The following NTRK2 variants were observed in gnomAD, a reference collection of about 807,000 sequenced individuals.
NTRK2 encodes the protein BDNF/NT-3 growth factors receptor.
Under a neutral mutation model 94.5 loss-of-function variants are expected in NTRK2, and 13 were observed. The observed-to-expected ratio is 0.14, with a 90% confidence interval of 0.09 to 0.22. The LOEUF (loss-of-function observed/expected upper bound fraction) is 0.22, where lower values mean the gene tolerates loss of function less well. Among genes scored for constraint, NTRK2 ranks in the 10% least tolerant of loss-of-function variants. The pLI, the probability that NTRK2 is intolerant of heterozygous loss-of-function variation, is 1.00. For synonymous variants in NTRK2, 372 were observed against 407.4 expected, an observed-to-expected ratio of 0.91 and a Z score of 1.05; for missense variants, 639 against 1,071.2, an observed-to-expected ratio of 0.60 and a Z score of 5.63.
At chr9:84,961,336 T>C (rs1382419907) in intron 17 of NTRK2, among the ~76,000 whole-genome samples, 6 of 152,352 alleles carry the variant, frequency 3.9e-5, no homozygotes, top group Middle Eastern at 6.8e-3. Flanking sequence ...ATCTTTCTGT[T>C]TCGGCTCTTT....
intron 17 of NTRK2, 46 bp downstream of exon 17, chr9:84,955,563 C>T (rs375105898): frequency 7.1e-5 from 103 of 1,459,830 alleles, no homozygotes; most frequent in Admixed American, 6.3e-4. Context: ...TCTTTCCCTG[C>T]GGGACCCCTG....
At chr9:84,955,586 G>T in intron 17 of NTRK2, 69 bp downstream of exon 17, 1 of 1,276,932 alleles carries the variant, frequency 7.8e-7, no homozygotes, top group Non-Finnish European at 1.1e-6. Context: ...GTATTTGTTT[G>T]CTGAGGCTGT....
chr9:84,764,949 G>A (rs2065898538), intron 12 of NTRK2, among the ~76,000 whole-genome samples: 1 of 152,168 alleles, frequency 6.6e-6, no homozygotes, highest in African/African-American at 2.4e-5. Context: ...AGTTAAATAA[G>A]CCAGGCACAG....
chr9:84,732,739 A>T (rs944921393), intron 9 of NTRK2, among the ~76,000 whole-genome samples: 42 of 152,250 alleles, frequency 2.8e-4, no homozygotes, highest in African/African-American at 9.9e-4. Context: ...GTGGAGAAGG[A>T]GATGACAGGG....
intron 14 of NTRK2, chr9:84,877,972 T>C: frequency 2.0e-6 from 2 of 1,003,822 alleles, no homozygotes; most frequent in East Asian, 1.5e-4. Context: ...TAATTCAACA[T>C]TGGGATTCCT....
intron 14 of NTRK2, among the ~76,000 whole-genome samples, chr9:84,878,614 CAGAA>C (rs1235343612): frequency 7.5e-6 from 1 of 133,532 alleles, no homozygotes; most frequent in Non-Finnish European, 1.6e-5. Flanking sequence ...AGCCTGGCGA[CAGAA>C]AGAGACTATG....
chr9:84,882,527 T>C (rs1401599670), intron 14 of NTRK2, among the ~76,000 whole-genome samples: 1 of 152,158 alleles, frequency 6.6e-6, no homozygotes, highest in Non-Finnish European at 1.5e-5. Flanking sequence ...TTTGCTCAGC[T>C]TAGTTTTTCT....
chr9:84,873,186 C>T (rs1397095535), intron 14 of NTRK2: 20 of 1,062,492 alleles, frequency 1.9e-5, no homozygotes, highest in Admixed American at 5.4e-5. Context: ...TGCTTTAGCG[C>T]TTCCTTCTGT....
chr9:84,956,529 G>A (rs554940662), intron 17 of NTRK2, among the ~76,000 whole-genome samples: 48 of 152,268 alleles, frequency 3.2e-4, no homozygotes, highest in Non-Finnish European at 5.7e-4. Flanking sequence ...TTTCTTGTGT[G>A]TTTTGCTGTT....
At chr9:84,880,733 A>G (rs908403850) in intron 14 of NTRK2, among the ~76,000 whole-genome samples, 1 of 152,222 alleles carries the variant, frequency 6.6e-6, no homozygotes, top group African/African-American at 2.4e-5. Flanking sequence ...AGAGAGTAAC[A>G]CATGTTCTTT....
intron 14 of NTRK2, among the ~76,000 whole-genome samples, chr9:84,892,196 T>C (rs2076615023): frequency 6.6e-6 from 1 of 152,214 alleles, no homozygotes; most frequent in Admixed American, 6.5e-5. Context: ...TGAGCTCTGC[T>C]GCTACACAGG....
intron 12 of NTRK2, among the ~76,000 whole-genome samples, chr9:84,771,122 A>G (rs1345495456): frequency 2.6e-5 from 4 of 152,244 alleles, no homozygotes; most frequent in Non-Finnish European, 5.9e-5. Flanking sequence ...ACTTTGTTGT[A>G]TACAGAGAGA....
At chr9:84,844,188 G>A (rs963431350) in intron 12 of NTRK2, among the ~76,000 whole-genome samples, 5 of 152,180 alleles carry the variant, frequency 3.3e-5, no homozygotes, top group African/African-American at 7.2e-5. Flanking sequence ...GCAGCATGGC[G>A]GATGGACCAG....
chr9:84,798,904 T>C (rs2069988531), intron 12 of NTRK2, among the ~76,000 whole-genome samples: 1 of 100,078 alleles, frequency 1.0e-5, no homozygotes, highest in Non-Finnish European at 2.0e-5. Flanking sequence ...GCCAGACACT[T>C]CTAAGTGCTA....
chr9:84,874,264 A>G (rs1404843064), intron 14 of NTRK2: 1 of 1,065,560 alleles, frequency 9.4e-7, no homozygotes, highest in East Asian at 5.0e-5. Context: ...AGGTGCTTTG[A>G]ACAATTGAGT....
At chr9:84,940,878 G>A (rs969499599) in intron 15 of NTRK2, among the ~76,000 whole-genome samples, 16 of 151,752 alleles carry the variant, frequency 1.1e-4, no homozygotes, top group East Asian at 5.8e-4. Flanking sequence ...CACTTTTCAC[G>A]TCTTCATTAA....
intron 14 of NTRK2, among the ~76,000 whole-genome samples, chr9:84,920,145 A>C (rs1487777126): frequency 6.6e-6 from 1 of 152,212 alleles, no homozygotes; most frequent in African/African-American, 2.4e-5. Context: ...TATATTGGCT[A>C]GCAAGGATCT....
intron 14 of NTRK2, chr9:84,874,145 G>A: frequency 9.4e-7 from 1 of 1,064,938 alleles, no homozygotes; most frequent in Non-Finnish European, 1.1e-6. Flanking sequence ...CCCCATTTTG[G>A]TTTCGGATTG....
At chr9:84,745,200 T>C (rs1217564682) in intron 11 of NTRK2, 127 bp downstream of exon 11, 4 of 717,762 alleles carry the variant, frequency 5.6e-6, no homozygotes, top group Admixed American at 2.0e-5. Flanking sequence ...AACACCTAGG[T>C]TGGAAGAATT....
Sources: allele counts gnomAD v4.1 joint callset (sites outside exome capture counted in the v4.1 genomes callset), GRCh38; gene constraint gnomAD v4.1.1; transcripts MANE v1.5; gene names NCBI Gene and HGNC (gene_info 2026-07-23, HGNC 2026-07-21).